SCFD2: variants seen among roughly 807,000 people sequenced by gnomAD.
SCFD2 encodes the protein sec1 family domain containing 2.
Under a neutral mutation model 58.9 loss-of-function variants are expected in SCFD2, and 54 were observed. That is an observed-to-expected ratio of 0.92 (90% CI 0.74 to 1.15). The LOEUF is 1.15. SCFD2 is among the 50% of genes most tolerant of loss of function. The pLI is 0.00. For missense variants in SCFD2, 805 were observed against 836.6 expected (o/e 0.96, Z 0.47); for synonymous variants, 321 against 335.9 (o/e 0.96, Z 0.49).
chr4:53,319,336 T>A (rs1471332059), intron 2 of SCFD2, among the ~76,000 whole-genome samples: 1 of 152,240 alleles, frequency 6.6e-6, no homozygotes. Context: ...TTTCCACTTT[T>A]ATTCAGCCTT....
At chr4:53,362,829 T>C (rs935554860) in intron 1 of SCFD2, among the ~76,000 whole-genome samples, 2 of 152,008 alleles carry the variant, frequency 1.3e-5, no homozygotes, top group Admixed American at 6.6e-5. Flanking sequence ...ATGAGAGAAG[T>C]GAAAAGAGAG....
At chr4:53,331,869 AAGAG>A (rs1368340434) in intron 2 of SCFD2, among the ~76,000 whole-genome samples, 383 of 152,328 alleles carry the variant, frequency 2.5e-3, no homozygotes, top group African/African-American at 8.5e-3. Flanking sequence ...TAAAGAAAAA[AAGAG>A]AGAAGAATCA....
At chr4:53,206,414 T>G (rs1728407828) in intron 4 of SCFD2, among the ~76,000 whole-genome samples, 1 of 152,148 alleles carries the variant, frequency 6.6e-6, no homozygotes, top group African/African-American at 2.4e-5. Flanking sequence ...CTCTCAGAGA[T>G]ATGCATGACT....
chr4:53,282,713 T>C (rs1242372082), intron 3 of SCFD2, among the ~76,000 whole-genome samples: 38 of 152,122 alleles, frequency 2.5e-4, no homozygotes, highest in Admixed American at 2.5e-3. Flanking sequence ...TACTTAGCTA[T>C]ACCAGGAAAT....
At chr4:53,257,954 G>C (rs190178738) in intron 4 of SCFD2, among the ~76,000 whole-genome samples, 2 of 152,014 alleles carry the variant, frequency 1.3e-5, no homozygotes, top group South Asian at 2.1e-4. Flanking sequence ...CTCCCTACAT[G>C]TTATGAGATA....
chr4:52,988,715 C>T (rs1289835814), intron 5 of SCFD2, among the ~76,000 whole-genome samples: 2 of 152,128 alleles, frequency 1.3e-5, no homozygotes, highest in African/African-American at 4.8e-5. Context: ...CATTTCTGTA[C>T]TTGTTTTCAC....
chr4:53,345,693 G>A (rs753564503), intron 2 of SCFD2, among the ~76,000 whole-genome samples: 23 of 151,928 alleles, frequency 1.5e-4, no homozygotes, highest in Admixed American at 1.1e-3. Context: ...ACTTGGAACC[G>A]ACCTAAATGT....
intron 7 of SCFD2, among the ~76,000 whole-genome samples, chr4:52,896,055 G>C (rs1382198183): frequency 6.6e-6 from 1 of 152,094 alleles, no homozygotes; most frequent in African/African-American, 2.4e-5. Context: ...GTAGATTCTG[G>C]ATATTAGCCC....
chr4:53,303,665 T>C (rs1732412463), intron 3 of SCFD2, among the ~76,000 whole-genome samples: 1 of 151,990 alleles, frequency 6.6e-6, no homozygotes, highest in African/African-American at 2.4e-5. Context: ...ATGTTTATTG[T>C]GGCATTATTC....
At chr4:53,341,604 A>G (rs546417894) in intron 2 of SCFD2, among the ~76,000 whole-genome samples, 330 of 152,146 alleles carry the variant, frequency 2.2e-3, no homozygotes, top group African/African-American at 7.4e-3. Context: ...GAAATACAGA[A>G]AACGCCACAA....
chr4:53,248,625 G>A (rs372651102), intron 4 of SCFD2, among the ~76,000 whole-genome samples: 1,620 of 152,292 alleles, frequency 0.011, 27 homozygotes, highest in South Asian at 0.072. Flanking sequence ...CCTGACCCCC[G>A]AGCAGCCTAA....
At chr4:52,991,991 CTCTCCCTCTCCCCACAG>C (rs1261613339) in intron 5 of SCFD2, among the ~76,000 whole-genome samples, 1 of 152,030 alleles carries the variant, frequency 6.6e-6, no homozygotes, top group Non-Finnish European at 1.5e-5. Flanking sequence ...TTGCCTCTCC[CTCTCCCTCTCCCCACAG>C]TCTCCCTCTC....
chr4:52,893,571 A>G (rs1164235823), intron 7 of SCFD2, among the ~76,000 whole-genome samples: 1 of 152,136 alleles, frequency 6.6e-6, no homozygotes, highest in Non-Finnish European at 1.5e-5. Context: ...CCCTGCCCAC[A>G]TGGTCATAGG....
intron 6 of SCFD2, among the ~76,000 whole-genome samples, chr4:52,915,609 AC>A: frequency 6.6e-6 from 1 of 152,072 alleles, no homozygotes; most frequent in Non-Finnish European, 1.5e-5. Flanking sequence ...CCATCCACCC[AC>A]CCAGGCTTCA....
chr4:52,937,434 G>A (rs2109507540), intron 5 of SCFD2, among the ~76,000 whole-genome samples: 1 of 152,316 alleles, frequency 6.6e-6, no homozygotes, highest in Admixed American at 6.5e-5. Context: ...TTCTTAGGCT[G>A]ATAAGTGGAC....
chr4:53,155,546 C>T (rs1414249428), intron 4 of SCFD2, among the ~76,000 whole-genome samples: 3 of 152,206 alleles, frequency 2.0e-5, no homozygotes, highest in Non-Finnish European at 2.9e-5. Context: ...AGACATAGGG[C>T]TCAATACGTA....
At chr4:53,109,234 T>C (rs1439392844) in intron 5 of SCFD2, among the ~76,000 whole-genome samples, 5 of 152,196 alleles carry the variant, frequency 3.3e-5, no homozygotes, top group African/African-American at 4.8e-5. Flanking sequence ...ATGAGAGCTA[T>C]CTATGACAAA....
intron 5 of SCFD2, among the ~76,000 whole-genome samples, chr4:53,005,702 T>C (rs1220132635): frequency 1.3e-5 from 2 of 152,086 alleles, no homozygotes; most frequent in African/African-American, 4.8e-5. Flanking sequence ...AAACATTCAA[T>C]CAGAGAGACA....
chr4:53,323,363 C>T (rs1733080713), intron 2 of SCFD2, among the ~76,000 whole-genome samples: 3 of 151,880 alleles, frequency 2.0e-5, no homozygotes, highest in Admixed American at 1.3e-4. Context: ...GAAGAATATA[C>T]AGTAGTTCTT....
Sources: gnomAD v4.1 joint callset for allele counts (sites outside exome capture counted in the v4.1 genomes callset) on GRCh38, gnomAD v4.1.1 for gene constraint, MANE v1.5 for transcripts, NCBI Gene and HGNC (gene_info 2026-07-23, HGNC 2026-07-21) for gene names.